Variants in CPN1 observed in about 807,000 individuals in gnomAD.
CPN1 encodes the protein carboxypeptidase N subunit 1, also known as carboxypeptidase N catalytic chain.
A neutral mutation model predicts 46.4 loss-of-function variants in CPN1; 37 were observed. That is an observed-to-expected ratio of 0.80 (90% CI 0.61 to 1.05). The LOEUF is 1.05. Among genes scored for constraint, CPN1 ranks in the 50% least tolerant of loss-of-function variants. CPN1 has a pLI of 0.00. For missense variants in CPN1, 563 were observed against 602.6 expected (o/e 0.93, Z 0.69); for synonymous variants, 224 against 235.4 (o/e 0.95, Z 0.44).
At chr10:100,058,241 C>T (rs947600896) in intron 5 of CPN1, among the ~76,000 whole-genome samples, 1 of 152,128 alleles carries the variant, frequency 6.6e-6, no homozygotes, top group Non-Finnish European at 1.5e-5. Context: ...TGCATATTAG[C>T]TGTGCCTTAC....
At chr10:100,043,307 A>G (rs2041289413) in intron 8 of CPN1, among the ~76,000 whole-genome samples, 2 of 151,554 alleles carry the variant, frequency 1.3e-5, no homozygotes, top group African/African-American at 4.9e-5. Flanking sequence ...AGGCAGGAGA[A>G]CTGCTTGAAC....
intron 3 of CPN1, among the ~76,000 whole-genome samples, chr10:100,066,317 C>T (rs1287422802): frequency 6.6e-6 from 1 of 152,230 alleles, no homozygotes; most frequent in Non-Finnish European, 1.5e-5. Flanking sequence ...CTTGGCCTCT[C>T]TCTGGACCCT....
In CPN1 at chr10:100,069,038, A is replaced by T. The variant is rs78694137; in HGVS notation, c.576+676T>A. 2.4e-3 allele frequency among the ~76,000 whole-genome samples: 364 copies of T among 152,364 alleles called. 1 individual carries two copies. Among genetic ancestry groups the T allele is most frequent in the African/African-American group, 8.5e-3 (352 of 41,588 alleles). On this transcript the variant is annotated intron_variant, in intron 3 of 8. Coordinates refer to ENST00000370418, the MANE Select transcript of CPN1 (RefSeq NM_001308.3). ...AAATTATTTTCTCTCTAAGTGTAAT[A>T]GCTATAAAACAGAGATGGATAACAC...
At chr10:100,050,716 C>T (rs1021919878) in intron 7 of CPN1, among the ~76,000 whole-genome samples, 1 of 152,118 alleles carries the variant, frequency 6.6e-6, no homozygotes, top group African/African-American at 2.4e-5. Flanking sequence ...CCTTGAACTC[C>T]CAGACTCAAG....
rs751706282 is a variant in CPN1, at chr10:100,081,525, G to A, written c.101C>T (p.Thr34Met). Residue 34 changes from threonine (T) to methionine (M), a missense_variant, in exon 1 of 9, where the codon ACG becomes ATG. Coordinates refer to ENST00000370418, the MANE Select transcript of CPN1 (RefSeq NM_001308.3). The stretch of plus-strand genomic sequence containing the variant: ...GCATTCGTTTTGCACCTTGTACAGC[G>A]TCCGCACAAGATCATCATAGCGGTG... ...RHHRYDDLVR[T>M]LYKVQNECPG... 2.2e-5 allele frequency: 36 copies of A among 1,614,030 alleles called. No homozygotes were observed. Among genetic ancestry groups the A allele is most frequent in the Non-Finnish European group, 2.9e-5 (34 of 1,180,046 alleles).
intron 8 of CPN1, among the ~76,000 whole-genome samples, chr10:100,043,635 G>A (rs2041291534): frequency 6.6e-6 from 1 of 151,256 alleles, no homozygotes; most frequent in Non-Finnish European, 1.5e-5. Flanking sequence ...GATAAAGAGT[G>A]TTGGTATGGA....
At chr10:100,079,809 G>A (rs2041533911) in intron 1 of CPN1, among the ~76,000 whole-genome samples, 1 of 152,214 alleles carries the variant, frequency 6.6e-6, no homozygotes, top group African/African-American at 2.4e-5. Flanking sequence ...ACCTGGCTGG[G>A]CACGGTGGCT....
intron 5 of CPN1, among the ~76,000 whole-genome samples, chr10:100,063,162 C>T (rs2041430431): frequency 6.6e-6 from 1 of 152,080 alleles, no homozygotes; most frequent in South Asian, 2.1e-4. Flanking sequence ...ACTCTGTCAC[C>T]CAGGCTGGAG....
chr10:100,073,638 A>G (rs1436885230), intron 2 of CPN1, among the ~76,000 whole-genome samples: 3 of 135,382 alleles, frequency 2.2e-5, no homozygotes, highest in Admixed American at 7.8e-5. Context: ...TTTTTGAGAC[A>G]GAGTTTTGCT....
At chr10:100,064,116 T>C (rs2041438147) in intron 4 of CPN1, among the ~76,000 whole-genome samples, 2 of 152,096 alleles carry the variant, frequency 1.3e-5, no homozygotes, top group African/African-American at 4.8e-5. Flanking sequence ...CCGAATTTTG[T>C]CAAAGAAATC....
At chr10:100,072,420 C>T (rs1364184058) in intron 2 of CPN1, among the ~76,000 whole-genome samples, 1 of 152,106 alleles carries the variant, frequency 6.6e-6, no homozygotes, top group Non-Finnish European at 1.5e-5. Flanking sequence ...AGTGATCCAC[C>T]CACCTCCCAA....
intron 1 of CPN1, among the ~76,000 whole-genome samples, chr10:100,081,058 G>A (rs766632623): frequency 6.6e-6 from 1 of 152,134 alleles, no homozygotes; most frequent in Admixed American, 6.6e-5. Context: ...TGTCTCCTGA[G>A]CCATTGGGTG....
intron 7 of CPN1, among the ~76,000 whole-genome samples, chr10:100,052,962 C>G (rs1377545820): frequency 1.3e-5 from 2 of 151,824 alleles, no homozygotes; most frequent in African/African-American, 4.8e-5. Context: ...CATCACCTTG[C>G]TAGAAAGAAT....
At chr10:100,065,411 G>T in intron 3 of CPN1, 41 bp from the exon 4 acceptor site, 2 of 1,611,298 alleles carry the variant, frequency 1.2e-6, no homozygotes, top group Non-Finnish European at 1.7e-6. Context: ...GGCCAACTGG[G>T]GCTACCAAAC....
At chr10:100,043,493 C>T (rs771902248) in intron 8 of CPN1, among the ~76,000 whole-genome samples, 7 of 152,034 alleles carry the variant, frequency 4.6e-5, no homozygotes, top group African/African-American at 9.7e-5. Flanking sequence ...CCATGATTGA[C>T]GGTGCTGTAA....
intron 2 of CPN1, among the ~76,000 whole-genome samples, chr10:100,070,534 C>T (rs767671283): frequency 2.0e-5 from 3 of 152,092 alleles, no homozygotes; most frequent in Non-Finnish European, 2.9e-5. Flanking sequence ...CTACTACATG[C>T]AGCCATGAAT....
At chr10:100,060,583 GA>G (rs1234238883) in intron 5 of CPN1, among the ~76,000 whole-genome samples, 1 of 151,918 alleles carries the variant, frequency 6.6e-6, no homozygotes. Context: ...AAATGAAGAT[GA>G]AAAAAATTAT....
rs546088239 is a variant in CPN1 at position 100,060,560 on chromosome 10, AAAAT to A, written c.871+3050_871+3053del. Among the ~76,000 whole-genome samples the A allele has an allele frequency of 3.0e-3, 453 of 152,254 alleles. 3 individuals carry two copies. Among genetic ancestry groups the A allele is most frequent in the Middle Eastern group, 0.01 (3 of 294 alleles). The stretch of plus-strand genomic sequence containing the variant: ...GGGTGACAGAAAGAGACTCCAACTC[AAAAT>A]AAATAAATAAATGAAGATGAAAAAA... On this transcript the variant is annotated intron_variant, in intron 5 of 8. Transcript: ENST00000370418.
intron 3 of CPN1, among the ~76,000 whole-genome samples, chr10:100,068,739 G>GC (rs2041468694): frequency 6.6e-6 from 1 of 152,012 alleles, no homozygotes; most frequent in South Asian, 2.1e-4. Context: ...GGGCCTCACT[G>GC]TGTTGCCCAG....
Sources: gnomAD v4.1 joint callset for allele counts (sites outside exome capture counted in the v4.1 genomes callset) on GRCh38, gnomAD v4.1.1 for gene constraint, MANE v1.5 for transcripts, NCBI Gene and HGNC (gene_info 2026-07-23, HGNC 2026-07-21) for gene names.